NR3C2: variants seen among roughly 807,000 people sequenced by gnomAD.
The protein encoded by NR3C2 is nuclear receptor subfamily 3 group C member 2.
NR3C2 carries 15 observed loss-of-function variants against 86.4 expected under a neutral mutation model. The observed-to-expected ratio is 0.17, with a 90% confidence interval of 0.12 to 0.27. The LOEUF is 0.27. NR3C2 is among the 10% of genes least tolerant of loss of function. The pLI, the probability that NR3C2 is intolerant of heterozygous loss-of-function variation, is 1.00. For missense variants in NR3C2, 960 were observed against 1,195.6 expected, an observed-to-expected ratio of 0.80 and a Z score of 2.91; for synonymous variants, 458 against 450.5, an observed-to-expected ratio of 1.02 and a Z score of -0.21.
At chr4:148,253,726 G>A (rs535654359) in intron 3 of NR3C2, among the ~76,000 whole-genome samples, 1 of 152,036 alleles carries the variant, frequency 6.6e-6, no homozygotes, top group African/African-American at 2.4e-5. Flanking sequence ...TCCTAACAAT[G>A]GTTTTTTTCC....
chr4:148,193,358 C>T (rs564222852), intron 4 of NR3C2, among the ~76,000 whole-genome samples: 31 of 152,278 alleles, frequency 2.0e-4, no homozygotes, highest in African/African-American at 5.3e-4. Context: ...GGGAGCAGTC[C>T]GCTTCCTTCA....
At chr4:148,290,262 C>G (rs1741735976) in intron 2 of NR3C2, among the ~76,000 whole-genome samples, 1 of 152,136 alleles carries the variant, frequency 6.6e-6, no homozygotes, top group Non-Finnish European at 1.5e-5. Flanking sequence ...TAGGGTTCAG[C>G]CTAACAGCTT....
chr4:148,089,857 G>A (rs1036692130), intron 8 of NR3C2, among the ~76,000 whole-genome samples: 9 of 152,250 alleles, frequency 5.9e-5, no homozygotes, highest in African/African-American at 2.2e-4. Context: ...ACCCACCGCA[G>A]CGCTCGGGAC....
chr4:148,161,521 T>C (rs1227444411), intron 4 of NR3C2, among the ~76,000 whole-genome samples: 1 of 152,078 alleles, frequency 6.6e-6, no homozygotes, highest in Non-Finnish European at 1.5e-5. Context: ...GGCTAATTTT[T>C]TTTAAATATT....
At chr4:148,444,875 G>A, upstream of NR3C2, 5 of 984,924 alleles carry the variant, frequency 5.1e-6, no homozygotes, top group Non-Finnish European at 6.0e-6. Flanking sequence ...AGTCCGGCAG[G>A]AGGATCCCGC....
At chr4:148,329,992 G>C (rs1744153233) in intron 2 of NR3C2, among the ~76,000 whole-genome samples, 1 of 152,082 alleles carries the variant, frequency 6.6e-6, no homozygotes, top group South Asian at 2.1e-4. Context: ...GACCAGCCAG[G>C]GAGGCTGCAC....
intron 4 of NR3C2, among the ~76,000 whole-genome samples, chr4:148,191,977 C>T (rs946240179): frequency 6.6e-6 from 1 of 152,114 alleles, no homozygotes; most frequent in Non-Finnish European, 1.5e-5. Context: ...CTCTTGAATT[C>T]TTTTTGAGAT....
At chr4:148,136,094 ACCAAAAC>A (rs1733326110) in intron 6 of NR3C2, among the ~76,000 whole-genome samples, 24 of 128,762 alleles carry the variant, frequency 1.9e-4, no homozygotes, top group Non-Finnish European at 3.4e-4. Context: ...AAAAAACACC[ACCAAAAC>A]CAACAAAAAA....
At chr4:148,319,600 G>T (rs914570098) in intron 2 of NR3C2, among the ~76,000 whole-genome samples, 13 of 149,570 alleles carry the variant, frequency 8.7e-5, no homozygotes, top group African/African-American at 2.2e-4. Flanking sequence ...CACGTCCCTT[G>T]TAAGTTGGAT....
chr4:148,390,203 C>T (rs1208271136), intron 2 of NR3C2, among the ~76,000 whole-genome samples: 1 of 138,024 alleles, frequency 7.2e-6, no homozygotes, highest in Non-Finnish European at 1.5e-5. Context: ...AAAAAGTCTG[C>T]GGGAAATATG....
chr4:148,270,558 C>T (rs1561011095), intron 2 of NR3C2, among the ~76,000 whole-genome samples: 1 of 152,122 alleles, frequency 6.6e-6, no homozygotes, highest in African/African-American at 2.4e-5. Context: ...AACCTACTAT[C>T]TGACTTTGAG....
chr4:148,239,634 C>T (rs1738919010), intron 3 of NR3C2, among the ~76,000 whole-genome samples: 1 of 152,144 alleles, frequency 6.6e-6, no homozygotes, highest in Non-Finnish European at 1.5e-5. Flanking sequence ...GCCACCAGGC[C>T]ACCAGAAGGC....
intron 2 of NR3C2, among the ~76,000 whole-genome samples, chr4:148,325,338 G>A (rs1413481597): frequency 1.3e-5 from 2 of 152,148 alleles, no homozygotes; most frequent in East Asian, 1.9e-4. Context: ...ATTACAAAAC[G>A]TGGGAGAAAA....
At chr4:148,340,432 T>C (rs1351933583) in intron 2 of NR3C2, among the ~76,000 whole-genome samples, 1 of 152,136 alleles carries the variant, frequency 6.6e-6, no homozygotes, top group Non-Finnish European at 1.5e-5. Flanking sequence ...AGTAAGTACA[T>C]GCAGATGAAT....
intron 3 of NR3C2, among the ~76,000 whole-genome samples, chr4:148,241,962 T>C (rs984335380): frequency 1.3e-5 from 2 of 152,214 alleles, no homozygotes; most frequent in Admixed American, 6.5e-5. Context: ...AAATGTTGTA[T>C]AATTTCACTT....
intron 3 of NR3C2, among the ~76,000 whole-genome samples, chr4:148,195,092 T>C (rs554005929): frequency 1.3e-5 from 2 of 152,332 alleles, no homozygotes; most frequent in East Asian, 3.9e-4. Context: ...CATGTTCTAA[T>C]ATAAGTAGAG....
chr4:148,402,648 G>C (rs115369395), intron 2 of NR3C2, among the ~76,000 whole-genome samples: 1 of 152,158 alleles, frequency 6.6e-6, no homozygotes, highest in African/African-American at 2.4e-5. Context: ...ATAAGTCCTT[G>C]AGGTAAGGAA....
intron 5 of NR3C2, among the ~76,000 whole-genome samples, chr4:148,153,993 CA>C (rs1312355522): frequency 5.3e-5 from 8 of 151,166 alleles, no homozygotes; most frequent in Admixed American, 1.3e-4. Context: ...AAGTGTATGT[CA>C]TTTTTTTTAT....
chr4:148,315,245 T>C (rs1442722549), intron 2 of NR3C2, among the ~76,000 whole-genome samples: 1 of 152,114 alleles, frequency 6.6e-6, no homozygotes, highest in South Asian at 2.1e-4. Context: ...TATGTAGACA[T>C]TCATTCCATG....
Sources: allele counts gnomAD v4.1 joint callset (sites outside exome capture counted in the v4.1 genomes callset), GRCh38; gene constraint gnomAD v4.1.1; transcripts MANE v1.5; gene names NCBI Gene and HGNC (gene_info 2026-07-23, HGNC 2026-07-21).